Variants in ANO6 observed in about 807,000 individuals in gnomAD.
ANO6 encodes the protein anoctamin-6.
Under a neutral mutation model 117.5 loss-of-function variants are expected in ANO6, and 106 were observed. That is an observed-to-expected ratio of 0.90 (90% CI 0.77 to 1.06). The LOEUF is 1.06. Among genes scored for constraint, ANO6 ranks in the 50% least tolerant of loss-of-function variants. The pLI is 0.00. For synonymous variants in ANO6, 367 were observed against 385.1 expected (o/e 0.95, Z 0.55); for missense variants, 955 against 1,121.1 (o/e 0.85, Z 2.12).
intron 1 of ANO6, among the ~76,000 whole-genome samples, chr12:45,221,058 G>GT (rs1182972320): frequency 4.9e-5 from 7 of 142,206 alleles, no homozygotes; most frequent in East Asian, 4.6e-4. Flanking sequence ...GGTGTCGGAA[G>GT]TGGGGGGGGG....
At chr12:45,305,263 A>G (rs1939631603) in intron 2 of ANO6, among the ~76,000 whole-genome samples, 1 of 152,200 alleles carries the variant, frequency 6.6e-6, no homozygotes, top group Non-Finnish European at 1.5e-5. Context: ...AAATACTGGC[A>G]TTAGAAAGTA....
intron 2 of ANO6, among the ~76,000 whole-genome samples, chr12:45,317,882 G>A (rs1417972403): frequency 3.9e-5 from 6 of 152,194 alleles, no homozygotes. Context: ...GTGATGATGA[G>A]CATTTTTTCC....
chr12:45,368,278 T>G (rs1035830513), intron 9 of ANO6, among the ~76,000 whole-genome samples: 9 of 152,192 alleles, frequency 5.9e-5, no homozygotes, highest in African/African-American at 1.9e-4. Flanking sequence ...ATGTCAGTAC[T>G]CAAAAAGCTT....
intron 10 of ANO6, chr12:45,383,426 C>T (rs1273800915): frequency 1.3e-5 from 2 of 152,532 alleles, no homozygotes; most frequent in Admixed American, 6.5e-5. Context: ...TTATAAATGT[C>T]CTTAATGACA....
intron 12 of ANO6, among the ~76,000 whole-genome samples, chr12:45,398,630 CAT>C (rs997934274): frequency 2.6e-5 from 4 of 152,060 alleles, no homozygotes; most frequent in Non-Finnish European, 4.4e-5. Context: ...TATACATAAA[CAT>C]ATATATCAAC....
intron 10 of ANO6, among the ~76,000 whole-genome samples, chr12:45,386,122 A>G (rs1428802698): frequency 6.6e-6 from 1 of 152,210 alleles, no homozygotes; most frequent in Non-Finnish European, 1.5e-5. Flanking sequence ...ACCAAAAATC[A>G]TAATTTATAA....
chr12:45,423,921 C>T (rs1592051419), intron 19 of ANO6, among the ~76,000 whole-genome samples: 1 of 152,110 alleles, frequency 6.6e-6, no homozygotes, highest in African/African-American at 2.4e-5. Flanking sequence ...TTCCTAGCAG[C>T]AAGAGGGGCT....
intron 3 of ANO6, among the ~76,000 whole-genome samples, chr12:45,345,215 C>A (rs1941096356): frequency 1.3e-5 from 2 of 152,172 alleles, no homozygotes; most frequent in Admixed American, 6.5e-5. Flanking sequence ...AAGCAATATC[C>A]TTTTTCTGAT....
At chr12:45,228,998 G>A (rs775811422) in intron 1 of ANO6, among the ~76,000 whole-genome samples, 26 of 152,162 alleles carry the variant, frequency 1.7e-4, no homozygotes, top group Non-Finnish European at 2.8e-4. Flanking sequence ...GAGGGGAGAA[G>A]GAGAGACTAG....
At chr12:45,267,952 A>T (rs1490877460) in intron 1 of ANO6, among the ~76,000 whole-genome samples, 2 of 152,184 alleles carry the variant, frequency 1.3e-5, no homozygotes, top group Admixed American at 1.3e-4. Context: ...GTATAAAAGA[A>T]AAATAACTCT....
At chr12:45,365,086 A>G (rs1320154654) in intron 8 of ANO6, among the ~76,000 whole-genome samples, 1 of 152,206 alleles carries the variant, frequency 6.6e-6, no homozygotes, top group Non-Finnish European at 1.5e-5. Context: ...GACTGCATTA[A>G]ATGCCTAGTA....
chr12:45,284,448 AG>A (rs1291687657), intron 1 of ANO6, among the ~76,000 whole-genome samples: 3 of 152,220 alleles, frequency 2.0e-5, no homozygotes, highest in African/African-American at 7.2e-5. Context: ...TCAGGGGAGA[AG>A]GGGATTGAGA....
chr12:45,247,755 C>T (rs969217754), intron 1 of ANO6, among the ~76,000 whole-genome samples: 5 of 152,170 alleles, frequency 3.3e-5, no homozygotes, highest in South Asian at 2.1e-4. Flanking sequence ...GTGAACTCCC[C>T]TGTCTCTTAT....
In ANO6 at chr12:45,247,349, A is replaced by T. The variant is rs537038282; in HGVS notation, c.70+30958A>T. Among the ~76,000 whole-genome samples, 179 of 152,356 alleles carry T rather than the reference A, an allele frequency of 1.2e-3. 1 individual carries two copies. The highest frequency in any genetic ancestry group is 3.5e-3 in the African/African-American group (147 of 41,590). ...TATTAAGTGCCAGGCATAATTATAAATACGTGTATTGACACATTTAATAGT... is the reference window on the plus strand; with the variant it reads ...TATTAAGTGCCAGGCATAATTATAATTACGTGTATTGACACATTTAATAGT... On this transcript the variant is annotated intron_variant, in intron 1 of 19. Coordinates refer to ENST00000320560, the MANE Select transcript of ANO6 (RefSeq NM_001025356.3).
chr12:45,440,040 T>A, exon 20 of ANO6: 1 of 1,185,280 alleles, frequency 8.4e-7, no homozygotes, highest in Non-Finnish European at 1.1e-6. Context: ...CTCATTAATA[T>A]TCCAATACTG....
chr12:45,236,388 C>T (rs184464132), intron 1 of ANO6, among the ~76,000 whole-genome samples: 65 of 152,274 alleles, frequency 4.3e-4, no homozygotes, highest in Middle Eastern at 3.4e-3. Flanking sequence ...TGCAGCCCCC[C>T]ACCTTCTAAT....
chr12:45,266,729 G>A (rs142374716), intron 1 of ANO6, among the ~76,000 whole-genome samples: 1 of 152,198 alleles, frequency 6.6e-6, no homozygotes, highest in African/African-American at 2.4e-5. Context: ...CCCAGGAAGT[G>A]GAGGTTGCCG....
At chr12:45,323,371 TAAAGACAGCTA>T (rs1157307073) in intron 2 of ANO6, among the ~76,000 whole-genome samples, 1 of 152,120 alleles carries the variant, frequency 6.6e-6, no homozygotes, top group Non-Finnish European at 1.5e-5. Flanking sequence ...CAACACCTAT[TAAAGACAGCTA>T]AAAGAAGTAA....
At chr12:45,337,702 A>G (rs1940865854) in intron 3 of ANO6, among the ~76,000 whole-genome samples, 1 of 152,024 alleles carries the variant, frequency 6.6e-6, no homozygotes, top group Admixed American at 6.6e-5. Context: ...GTTAGATAAG[A>G]GGGATAAGAT....
Sources: allele counts gnomAD v4.1 joint callset (sites outside exome capture counted in the v4.1 genomes callset), GRCh38; gene constraint gnomAD v4.1.1; transcripts MANE v1.5; gene names NCBI Gene and HGNC (gene_info 2026-07-23, HGNC 2026-07-21).